Variants in TPGS2 observed in about 807,000 individuals in gnomAD.
The protein encoded by TPGS2 is tubulin polyglutamylase complex subunit 2.
TPGS2 carries 26 observed loss-of-function variants against 31.1 expected under a neutral mutation model. The ratio of observed to expected loss-of-function variants is 0.84; its 90% confidence interval spans 0.61 to 1.16. TPGS2 has a LOEUF of 1.16. Among genes scored for constraint, TPGS2 ranks in the 50% most tolerant of loss-of-function variants. TPGS2 has a pLI of 0.00. For missense variants in TPGS2, 351 were observed against 363.8 expected (o/e 0.96, Z 0.29); for synonymous variants, 130 against 136.6 (o/e 0.95, Z 0.34).
intron 2 of TPGS2, among the ~76,000 whole-genome samples, chr18:36,808,703 G>A (rs1296486304): frequency 6.6e-6 from 1 of 152,064 alleles, no homozygotes; most frequent in African/African-American, 2.4e-5. Context: ...AGTTCTGACA[G>A]CTCTTAGAAG....
chr18:36,807,544 A>G lies in TPGS2; in HGVS notation c.253+303T>C, dbSNP rs1229517814. 1.4e-5 allele frequency: 5 copies of G among 366,104 alleles called. No individual in the cohort carries two copies. In the Admixed American group the frequency reaches 1.4e-4, roughly 10 times the overall value. 22.7% of individuals were successfully genotyped at this position (366,104 alleles called of 1,614,324 possible). A position where few individuals can be genotyped will look rare whatever the true frequency, so the allele number is the denominator to read the frequency against. ...TGGAGGTAGAGCCCTCTGAGGCTTTAAGTTTGAGGTGGCTAGGGTTTTTTA... is the reference window on the plus strand; with the variant it reads ...TGGAGGTAGAGCCCTCTGAGGCTTTGAGTTTGAGGTGGCTAGGGTTTTTTA... On this transcript the variant is annotated intron_variant, in intron 3 of 6. Transcript: ENST00000334295.
intron 1 of TPGS2, chr18:36,821,072 G>C (rs2045874418): frequency 6.6e-6 from 1 of 152,194 alleles, no homozygotes; most frequent in African/African-American, 2.4e-5. Context: ...TTCTCATTGA[G>C]AGGTGAGTCT....
Position 36,794,457 on chromosome 18 carries a change from T to C in TPGS2, c.*2348A>G. 3 of 985,444 alleles carry C rather than the reference T, an allele frequency of 3.0e-6. No homozygotes were observed. In the South Asian group the frequency reaches 1.4e-4, roughly 46 times the overall value. 61.0% of individuals were successfully genotyped at this position (985,444 alleles called of 1,614,324 possible). The stretch of plus-strand genomic sequence containing the variant: ...CCTCCTGGTTCCTCCGCTGCTTCAC[T>C]TGTGGAATCCAGGGCTGATTTAGAA... On this transcript the variant is annotated 3_prime_UTR_variant, in exon 7 of 7. Coordinates refer to ENST00000334295, the MANE Select transcript of TPGS2 (RefSeq NM_015476.4).
intron 1 of TPGS2, among the ~76,000 whole-genome samples, chr18:36,825,999 A>G (rs1324952989): frequency 6.6e-6 from 1 of 152,216 alleles, no homozygotes. Flanking sequence ...TTTTCAGTAC[A>G]TAAGTCATGG....
chr18:36,800,144 G>C (rs2044731408), intron 5 of TPGS2, 54 bp downstream of exon 5: 7 of 1,509,652 alleles, frequency 4.6e-6, no homozygotes, highest in Admixed American at 3.4e-5. Flanking sequence ...TGACAAGCAA[G>C]GTCAGGCAAG....
At chr18:36,816,661 T>C (rs1428116517) in intron 2 of TPGS2, among the ~76,000 whole-genome samples, 1 of 152,112 alleles carries the variant, frequency 6.6e-6, no homozygotes, top group Non-Finnish European at 1.5e-5. Flanking sequence ...CAGGCTGGAG[T>C]GCAGTTGTGC....
intron 6 of TPGS2, among the ~76,000 whole-genome samples, chr18:36,785,241 G>T (rs1249987929): frequency 6.6e-6 from 1 of 152,224 alleles, no homozygotes. Context: ...AGAGGTTGCA[G>T]TGAGCCGAGA....
At chr18:36,812,527 G>A (rs562828922) in intron 2 of TPGS2, among the ~76,000 whole-genome samples, 99 of 152,308 alleles carry the variant, frequency 6.5e-4, no homozygotes, top group African/African-American at 2.4e-3. Context: ...TCGGATGGCA[G>A]GGAAGTTCCA....
Position 36,805,388 on chromosome 18 carries a change from T to G in TPGS2, c.368A>C (p.Asp123Ala). ...TATCTTCCTACCTTCATGTGTATCG[T>G]CCTCCAGGTCTGCCAGAGTGGGTGC... ...PNAPTLADLE[D>A]DTHEASDDQP... The change falls in exon 4 of 7, where the codon GAC (aspartate) becomes GCC (alanine). Residue 123 changes from aspartate to alanine, a missense_variant. Coordinates refer to ENST00000334295, the MANE Select transcript of TPGS2 (RefSeq NM_015476.4). 1.2e-6 allele frequency: 2 copies of G among 1,613,898 alleles called. No homozygotes were observed. The highest frequency in any genetic ancestry group is 1.7e-6 in the Non-Finnish European group (2 of 1,179,818).
chr18:36,783,809 GA>G (rs1238329143), intron 6 of TPGS2, among the ~76,000 whole-genome samples: 43 of 152,146 alleles, frequency 2.8e-4, no homozygotes, highest in African/African-American at 9.7e-4. Context: ...CTAATCCCTG[GA>G]ACCTAGAAAT....
At position 36,796,912 on chromosome 18, in the gene TPGS2, G is replaced by C. The variant is rs746564885; in HGVS notation, c.796C>G (p.Pro266Ala). 22 of 1,610,236 alleles carry C rather than the reference G, an allele frequency of 1.4e-5. No homozygotes were observed. The highest frequency in any genetic ancestry group is 2.2e-5 in the South Asian group (2 of 89,814). ...NKIVIPKKKG[P>A]VQPAGGQKGP... ...TTCTGGCCACCTGCAGGCTGCACAG[G>C]CCCTTTCTTTTTTGGGATTACGATC... The change falls in exon 7 of 7, where the codon CCT (proline) becomes GCT (alanine). Residue 266 changes from proline (P) to alanine (A), a missense_variant. Transcript: ENST00000334295.
chr18:36,813,153 A>G (rs1327900625), intron 2 of TPGS2, among the ~76,000 whole-genome samples: 1 of 152,272 alleles, frequency 6.6e-6, no homozygotes, highest in Non-Finnish European at 1.5e-5. Flanking sequence ...AGCCAAACAT[A>G]TTCCTAATTT....
intron 2 of TPGS2, among the ~76,000 whole-genome samples, chr18:36,814,620 C>G (rs2045573531): frequency 6.6e-6 from 1 of 152,104 alleles, no homozygotes; most frequent in Non-Finnish European, 1.5e-5. Flanking sequence ...CATTACTTAG[C>G]CAAGGGTCCA....
In TPGS2 at chr18:36,800,287, G is replaced by C. The variant is rs199728198; in HGVS notation, c.407C>G (p.Pro136Arg). 6.2e-7 allele frequency: 1 copy of C among 1,614,006 alleles called. No homozygotes were observed. The highest frequency in any genetic ancestry group is 1.3e-5 in the African/African-American group (1 of 74,920). The change falls in exon 5 of 7, where the codon CCT (proline) becomes CGT (arginine). Residue 136 changes from proline to arginine, a missense_variant. Pro to Arg is a moderately radical substitution (Grantham distance 103, BLOSUM62 -2). Transcript: ENST00000334295. ...TATCACACTGCGAGAGTCAAAGTGA[G>C]GCTTCTCTGGCTGATCATCACTGGC... ...HEASDDQPEK[P>R]HFDSRSVIFE...
At chr18:36,798,329 C>T in intron 6 of TPGS2, 120 bp downstream of exon 6, 1 of 1,534,070 alleles carries the variant, frequency 6.5e-7, no homozygotes, top group Non-Finnish European at 8.8e-7. Flanking sequence ...ATGCAGGTTC[C>T]TGGGCCCCAC....
chr18:36,805,324 C>A, intron 4 of TPGS2, 50 bp downstream of exon 4: 1 of 1,601,586 alleles, frequency 6.2e-7, no homozygotes. Context: ...ATGCGCCAGG[C>A]ATGGAGCTGG....
At chr18:36,810,094 C>T (rs2045350705) in intron 2 of TPGS2, among the ~76,000 whole-genome samples, 1 of 152,244 alleles carries the variant, frequency 6.6e-6, no homozygotes, top group Non-Finnish European at 1.5e-5. Context: ...ATCAATCCCT[C>T]ACTGTCATTC....
intron 1 of TPGS2, among the ~76,000 whole-genome samples, chr18:36,820,591 T>C (rs568526848): frequency 1.3e-5 from 2 of 152,320 alleles, no homozygotes; most frequent in Non-Finnish European, 2.9e-5. Flanking sequence ...ATTATCCTAT[T>C]TAATCTTTCA....
chr18:36,796,946 G>T lies in TPGS2; in HGVS notation c.762C>A (p.Ser254Arg). ...TTTTTGGGATTACGATCTTGTTCTTGCTCTTAAACACTTTGCTGGGATCTA... is the reference window on the plus strand; with the variant it reads ...TTTTTGGGATTACGATCTTGTTCTTTCTCTTAAACACTTTGCTGGGATCTA... Reference protein sequence around the residue: ...NKLDPSKVFKSKNKIVIPKKK... With the variant: ...NKLDPSKVFKRKNKIVIPKKK... Residue 254 changes from serine to arginine, a missense_variant, in exon 7 of 7, where the codon AGC (serine) becomes AGA (arginine). Transcript: ENST00000334295. 6.2e-7 allele frequency: 1 copy of T among 1,606,278 alleles called. No homozygotes were observed. Among genetic ancestry groups the T allele is most frequent in the Non-Finnish European group, 8.5e-7 (1 of 1,177,606 alleles).
Sources: gnomAD v4.1 joint callset for allele counts (sites outside exome capture counted in the v4.1 genomes callset) on GRCh38, gnomAD v4.1.1 for gene constraint, MANE v1.5 for transcripts, NCBI Gene and HGNC (gene_info 2026-07-23, HGNC 2026-07-21) for gene names.